The following EP400 variants were observed in gnomAD, a reference collection of about 807,000 sequenced individuals.
The protein encoded by EP400 is E1A-binding protein p400.
A neutral mutation model predicts 354.1 loss-of-function variants in EP400; 105 were observed. The ratio of observed to expected loss-of-function variants is 0.30; its 90% CI spans 0.25 to 0.35. The LOEUF (loss-of-function observed/expected upper bound fraction) is 0.35. Among genes scored for constraint, EP400 ranks in the 10% least tolerant of loss-of-function variants. The pLI is 1.00. For missense variants in EP400, 3,280 were observed against 4,121.0 expected (o/e 0.80, Z 5.59); for synonymous variants, 1,646 against 1,716.9 (o/e 0.96, Z 1.02).
At position 131,994,325 on chromosome 12, in the gene EP400, C is replaced by T. The variant is rs981424375; in HGVS notation, c.2738-542C>T. ...CAGGCCCCCAGGTGGGGAGAGGGTC[C>T]GTGGACAGAGGGAGTTTGGCTGTGG... On this transcript the variant is annotated intron_variant, in intron 11 of 52. Transcript: ENST00000389561. The surrounding 1 kb of genome is among the most constrained non-coding windows in gnomAD (Gnocchi z 4.6). Among the ~76,000 whole-genome samples, 4 of 152,098 alleles carry T rather than the reference C, an allele frequency of 2.6e-5. No individual in the cohort carries two copies. Among genetic ancestry groups the T allele is most frequent in the African/African-American group, 7.2e-5 (3 of 41,412 alleles).
At chr12:131,954,233 A>G (rs1025710714) in intron 1 of EP400, among the ~76,000 whole-genome samples, 2 of 152,124 alleles carry the variant, frequency 1.3e-5, no homozygotes, top group Non-Finnish European at 2.9e-5. Flanking sequence ...ATTAAAAAAA[A>G]AAAAACCAAC....
At chr12:132,031,757 A>C (rs1894509863) in intron 29 of EP400, among the ~76,000 whole-genome samples, 196 bp from the exon 30 acceptor site, 1 of 152,020 alleles carries the variant, frequency 6.6e-6, no homozygotes, top group South Asian at 2.1e-4. Flanking sequence ...GGGTTTCGCC[A>C]TGTTAGCCAG....
rs1894007233 is a variant in EP400 at position 132,018,173 on chromosome 12, C to T, written c.4111-37C>T. 6.2e-7 allele frequency: 1 copy of T among 1,603,546 alleles called. No individual in the cohort carries two copies. Among genetic ancestry groups the T allele is most frequent in the Non-Finnish European group, 8.5e-7 (1 of 1,177,624 alleles). On this transcript the variant is annotated intron_variant, in intron 20 of 52. Coordinates refer to ENST00000389561, the MANE Select transcript of EP400 (RefSeq NM_015409.5). The surrounding 1 kb of genome is among the most constrained non-coding windows in gnomAD (Gnocchi z 4.0). Reference sequence around the variant, plus strand: ...TGATTCTTAGGTGCTTTTTTTGCCTCTTCATGCAGCAAGACTTTTTTTCTT... The same window carrying T: ...TGATTCTTAGGTGCTTTTTTTGCCTTTTCATGCAGCAAGACTTTTTTTCTT...
At chr12:132,073,517 G>A (rs973768423) in intron 51 of EP400, among the ~76,000 whole-genome samples, 2 of 143,828 alleles carry the variant, frequency 1.4e-5, no homozygotes, top group East Asian at 2.0e-4. Context: ...GCAGTGGCGC[G>A]ATCTTGGCTC....
intron 41 of EP400, among the ~76,000 whole-genome samples, chr12:132,051,450 C>T (rs1045154163): frequency 1.3e-5 from 2 of 152,186 alleles, no homozygotes; most frequent in Non-Finnish European, 2.9e-5. Context: ...GGATACAAGA[C>T]TCAGGCAGGA....
chr12:132,029,816 G>A lies in EP400; in HGVS notation c.5497G>A (p.Ala1833Thr), dbSNP rs201165916. 406 of 1,613,318 alleles carry A rather than the reference G, an allele frequency of 2.5e-4. No individual in the cohort carries two copies. Among genetic ancestry groups the A allele is most frequent in the Non-Finnish European group, 3.2e-4 (377 of 1,180,048 alleles). The change falls in exon 28 of 53, where the codon GCT becomes ACT. Residue 1833 changes from alanine to threonine, a missense_variant. Around this residue, in one of 20 missense-constraint regions of EP400, gnomAD observed 459 missense variants for 496.9 expected, o/e 0.92. Coordinates refer to ENST00000389561, the MANE Select transcript of EP400 (RefSeq NM_015409.5). This position sits in a 1 kb window ranked among gnomAD's most constrained non-coding sequence, Gnocchi z 4.7. Reference sequence around the variant, plus strand: ...CTTGAGGCAGGGCCTGAGAGAGCACGCTGCGCCGTACTTCCAGCAGCTGCG... The same window carrying A: ...CTTGAGGCAGGGCCTGAGAGAGCACACTGCGCCGTACTTCCAGCAGCTGCG... Reference protein sequence around the residue: ...RILRQGLREHAAPYFQQLRQT... With the variant: ...RILRQGLREHTAPYFQQLRQT...
intron 12 of EP400, among the ~76,000 whole-genome samples, chr12:131,996,677 A>ACAATAT (rs1893228244): frequency 6.6e-6 from 1 of 151,940 alleles, no homozygotes; most frequent in South Asian, 2.1e-4. Context: ...CATCTCAAGA[A>ACAATAT]CTCTTGATAT....
At chr12:132,011,408 A>G in intron 15 of EP400, 90 bp from the exon 16 acceptor site, 5 of 1,505,182 alleles carry the variant, frequency 3.3e-6, no homozygotes, top group Non-Finnish European at 4.5e-6. Flanking sequence ...ACATACTCAT[A>G]CTGATGAAGC....
At chr12:131,958,859 C>T (rs922511789) in intron 1 of EP400, among the ~76,000 whole-genome samples, 7 of 152,134 alleles carry the variant, frequency 4.6e-5, no homozygotes, top group Non-Finnish European at 8.8e-5. Context: ...TTTAAAAATC[C>T]GTTGTCCATT....
intron 7 of EP400, 47 bp downstream of exon 7, chr12:131,987,937 G>A (rs773879639): frequency 6.7e-7 from 1 of 1,490,156 alleles, no homozygotes; most frequent in Non-Finnish European, 9.0e-7. Context: ...GTTGGTGGGG[G>A]CTTGAGTTTG....
At chr12:132,007,692 G>A (rs916852484) in intron 15 of EP400, among the ~76,000 whole-genome samples, 1 of 152,252 alleles carries the variant, frequency 6.6e-6, no homozygotes, top group Non-Finnish European at 1.5e-5. Context: ...CCCACTATAT[G>A]TTCCAGACTT....
chr12:131,974,593 T>C (rs1304486458), intron 2 of EP400, among the ~76,000 whole-genome samples: 1 of 152,182 alleles, frequency 6.6e-6, no homozygotes, highest in Non-Finnish European at 1.5e-5. Context: ...GTTTTGGTAT[T>C]GTCTCTCCTA....
chr12:132,021,353 A>G (rs1894116696), intron 23 of EP400, 32 bp downstream of exon 23: 12 of 1,487,374 alleles, frequency 8.1e-6, no homozygotes, highest in South Asian at 1.3e-5. Context: ...GGTTTCTGCC[A>G]TCTCTCTACC....
chr12:132,012,462 C>T (rs1267850859), intron 16 of EP400, among the ~76,000 whole-genome samples: 4 of 152,172 alleles, frequency 2.6e-5, no homozygotes, highest in Non-Finnish European at 5.9e-5. Context: ...CAAGCTGGTT[C>T]CCTCCAGCCC....
chr12:131,954,852 A>G (rs1172151596), intron 1 of EP400, among the ~76,000 whole-genome samples: 1 of 151,356 alleles, frequency 6.6e-6, no homozygotes, highest in African/African-American at 2.4e-5. Flanking sequence ...ACATGGTGAA[A>G]CCTCGTCTGT....
intron 39 of EP400, among the ~76,000 whole-genome samples, 158 bp downstream of exon 39, chr12:132,046,058 C>T (rs951839706): frequency 4.6e-5 from 7 of 152,198 alleles, no homozygotes; most frequent in African/African-American, 1.7e-4. Context: ...GTGGACCCAG[C>T]GAGGTCAGGT....
chr12:132,011,094 G>A (rs1174759722), intron 15 of EP400, among the ~76,000 whole-genome samples: 1 of 152,248 alleles, frequency 6.6e-6, no homozygotes, highest in African/African-American at 2.4e-5. Context: ...CTGTGTGGGT[G>A]CCTGGCTTGT....
intron 12 of EP400, among the ~76,000 whole-genome samples, chr12:131,997,925 A>G (rs1893271631): frequency 1.3e-5 from 2 of 152,186 alleles, no homozygotes; most frequent in African/African-American, 4.8e-5. Flanking sequence ...GAATTTGTCA[A>G]TCTTGTTCAC....
At chr12:131,992,146 T>C (rs1893060380) in intron 10 of EP400, 27 bp from the exon 11 acceptor site, 1 of 1,601,614 alleles carries the variant, frequency 6.2e-7, no homozygotes, top group South Asian at 1.1e-5. Context: ...GATCTCATGC[T>C]TGTGGTTTTT....
Sources: allele counts gnomAD v4.1 joint callset (sites outside exome capture counted in the v4.1 genomes callset), GRCh38; gene constraint gnomAD v4.1.1; regional missense constraint gnomAD v4.1.1; non-coding constraint Gnocchi (gnomAD v3.1); transcripts MANE v1.5; gene names NCBI Gene and HGNC (gene_info 2026-07-23, HGNC 2026-07-21).